Variants in GRM1 observed in about 807,000 individuals in gnomAD.
The protein encoded by GRM1 is metabotropic glutamate receptor 1.
A neutral mutation model predicts 90.9 loss-of-function variants in GRM1; 33 were observed. The observed-to-expected ratio is 0.36, with a 90% CI of 0.28 to 0.49. The LOEUF (loss-of-function observed/expected upper bound fraction) is 0.49, where lower values mean the gene tolerates loss of function less well. Among genes scored for constraint, GRM1 ranks in the 20% least tolerant of loss-of-function variants. The pLI is 0.99. For synonymous variants in GRM1, 700 were observed against 613.2 expected, an observed-to-expected ratio of 1.14 and a Z score of -2.09; for missense variants, 1,190 against 1,534.3, an observed-to-expected ratio of 0.78 and a Z score of 3.75.
chr6:146,312,586 G>C (rs9485073), intron 3 of GRM1, among the ~76,000 whole-genome samples: 17,455 of 152,006 alleles, frequency 0.11, 1,992 homozygotes, highest in African/African-American at 0.3. Context: ...GACATTTTCT[G>C]TAATTAGTGA....
intron 5 of GRM1, among the ~76,000 whole-genome samples, chr6:146,366,469 A>G (rs2115078548): frequency 6.6e-6 from 1 of 152,258 alleles, no homozygotes; most frequent in South Asian, 2.1e-4. Context: ...TTTTATACGC[A>G]TTAACCAGTC....
At chr6:146,031,573 G>GA (rs1790708680) in intron 1 of GRM1, among the ~76,000 whole-genome samples, 1 of 151,938 alleles carries the variant, frequency 6.6e-6, no homozygotes, top group Admixed American at 6.6e-5. Context: ...TTTGCTTTTG[G>GA]AAAAAACTAT....
chr6:146,309,916 T>G (rs1458448016), intron 3 of GRM1, among the ~76,000 whole-genome samples: 4 of 152,262 alleles, frequency 2.6e-5, no homozygotes, highest in African/African-American at 9.6e-5. Flanking sequence ...ATTAACTGTA[T>G]GAGTTCATGG....
chr6:146,379,586 T>G (rs543157376), intron 5 of GRM1, among the ~76,000 whole-genome samples: 2 of 152,240 alleles, frequency 1.3e-5, no homozygotes, highest in South Asian at 4.2e-4. Context: ...GGTGTCTTAT[T>G]TAGTTAATTT....
chr6:146,352,548 G>C, intron 4 of GRM1, 52 bp downstream of exon 4: 1 of 1,580,360 alleles, frequency 6.3e-7, no homozygotes, highest in Non-Finnish European at 8.7e-7. Context: ...TCCTGTGCCA[G>C]ACAGATGGCA....
chr6:146,343,658 T>TTTTTTATTATTATTA (rs112859765), intron 3 of GRM1, among the ~76,000 whole-genome samples: 15 of 148,396 alleles, frequency 1.0e-4, no homozygotes, highest in African/African-American at 3.8e-4. Flanking sequence ...GTTGTTTTTA[T>TTTTTTATTATTATTA]TTATTATTAT....
intron 1 of GRM1, among the ~76,000 whole-genome samples, chr6:146,118,929 G>T (rs1267713060): frequency 6.6e-6 from 1 of 152,230 alleles, no homozygotes; most frequent in Non-Finnish European, 1.5e-5. Flanking sequence ...ATAGCAGCAT[G>T]ATTTATAATC....
intron 2 of GRM1, among the ~76,000 whole-genome samples, chr6:146,262,429 ATG>A (rs1424629799): frequency 6.6e-6 from 1 of 152,024 alleles, no homozygotes; most frequent in African/African-American, 2.4e-5. Context: ...AATTTACTTC[ATG>A]TATATATATG....
At chr6:146,225,668 C>T (rs957335713) in intron 2 of GRM1, among the ~76,000 whole-genome samples, 1 of 151,934 alleles carries the variant, frequency 6.6e-6, no homozygotes, top group Non-Finnish European at 1.5e-5. Context: ...TAAATTAACA[C>T]CAAATTTAAT....
chr6:146,377,046 G>A (rs1397584664), intron 5 of GRM1, among the ~76,000 whole-genome samples: 1 of 152,022 alleles, frequency 6.6e-6, no homozygotes, highest in East Asian at 1.9e-4. Flanking sequence ...TGGTTGTGAG[G>A]CCTTGGAGGT....
In GRM1 at chr6:146,435,021, T is replaced by C. The variant is rs1420316145; in HGVS notation, c.*225T>C. On this transcript the variant is annotated 3_prime_UTR_variant, in exon 8 of 8. Coordinates refer to ENST00000282753, the MANE Select transcript of GRM1 (RefSeq NM_001278064.2). ...GCCAGGATTCGGATTCTTGAATTAC[T>C]CGAAGCCTTCTCTGGGAAGAAAGGG... 3.3e-6 allele frequency: 2 copies of C among 608,876 alleles called. No homozygotes were observed. Among genetic ancestry groups the C allele is most frequent in the East Asian group, 2.8e-5 (1 of 36,146 alleles). 37.7% of individuals were successfully genotyped at this position (608,876 alleles called of 1,614,324 possible).
intron 5 of GRM1, among the ~76,000 whole-genome samples, chr6:146,384,239 T>G (rs1272719394): frequency 6.6e-6 from 1 of 152,078 alleles, no homozygotes; most frequent in Non-Finnish European, 1.5e-5. Context: ...TGAATACTAG[T>G]CTACATGTCA....
intron 1 of GRM1, among the ~76,000 whole-genome samples, chr6:146,144,883 C>T (rs1488631216): frequency 1.3e-5 from 2 of 152,126 alleles, no homozygotes; most frequent in Non-Finnish European, 2.9e-5. Context: ...ATCGTAAAGG[C>T]CATTGTGTTA....
intron 2 of GRM1, among the ~76,000 whole-genome samples, chr6:146,226,857 C>A (rs955848925): frequency 2.0e-5 from 3 of 152,056 alleles, no homozygotes; most frequent in Admixed American, 1.3e-4. Flanking sequence ...TCACTCACTC[C>A]CCATGCTCTG....
chr6:146,146,035 A>G (rs1184591568), intron 1 of GRM1, among the ~76,000 whole-genome samples: 1 of 143,300 alleles, frequency 7.0e-6, no homozygotes, highest in African/African-American at 2.6e-5. Flanking sequence ...GCCTCTTAAC[A>G]CTTTCTTTTG....
chr6:146,034,515 G>A (rs1790814864), intron 1 of GRM1, among the ~76,000 whole-genome samples: 1 of 151,822 alleles, frequency 6.6e-6, no homozygotes, highest in African/African-American at 2.4e-5. Context: ...TTCAAGAGGA[G>A]GACTTGAATT....
chr6:146,385,425 A>T (rs1227605669), intron 5 of GRM1, among the ~76,000 whole-genome samples: 1 of 151,946 alleles, frequency 6.6e-6, no homozygotes, highest in South Asian at 2.1e-4. Flanking sequence ...TAGAATATAT[A>T]TATACGGTCA....
chr6:146,028,848 A>T (rs1201286330), upstream of GRM1, among the ~76,000 whole-genome samples: 1 of 152,184 alleles, frequency 6.6e-6, no homozygotes, highest in East Asian at 1.9e-4. Context: ...CAATCCGGAA[A>T]GTTCTCTTGG....
chr6:146,262,242 G>A (rs1306547844), intron 2 of GRM1, among the ~76,000 whole-genome samples: 3 of 151,750 alleles, frequency 2.0e-5, no homozygotes, highest in South Asian at 4.1e-4. Flanking sequence ...GTGGAAGAAA[G>A]GTTAAAAAAA....
Sources: allele counts gnomAD v4.1 joint callset (sites outside exome capture counted in the v4.1 genomes callset), GRCh38; gene constraint gnomAD v4.1.1; transcripts MANE v1.5; gene names NCBI Gene and HGNC (gene_info 2026-07-23, HGNC 2026-07-21).